The following SGCD variants were observed in gnomAD, a reference collection of about 807,000 sequenced individuals.
The protein encoded by SGCD is delta-sarcoglycan.
Under a neutral mutation model 36.6 loss-of-function variants are expected in SGCD, and 18 were observed. The observed-to-expected ratio is 0.49, with a 90% CI of 0.34 to 0.73. The LOEUF (loss-of-function observed/expected upper bound fraction) is 0.73, where lower values mean the gene tolerates loss of function less well. Ranked by LOEUF, SGCD falls within the 30% of genes least tolerant of loss-of-function variation. The pLI is 0.01. For synonymous variants in SGCD, 133 were observed against 130.6 expected, an observed-to-expected ratio of 1.02 and a Z score of -0.12; for missense variants, 387 against 346.7, an observed-to-expected ratio of 1.12 and a Z score of -0.92.
intron 7 of SGCD, among the ~76,000 whole-genome samples, chr5:156,736,298 C>G (rs1441313969): frequency 1.3e-5 from 2 of 152,110 alleles, no homozygotes; most frequent in African/African-American, 2.4e-5. Context: ...TTTTGTTCAT[C>G]CTGAATTAGA....
chr5:156,361,986 T>A lies in SGCD; in HGVS notation c.192+17309T>A, dbSNP rs1283168837. On this transcript the variant is annotated intron_variant, in intron 3 of 8. Coordinates refer to ENST00000337851, the MANE Select transcript of SGCD (RefSeq NM_000337.6). ...GCCTAAAGGAATGATACTGAGACAG[T>A]CATGGGAAGAGCTGGGCAAGATTTT... is the stretch of plus-strand genomic sequence containing the variant. Among the ~76,000 whole-genome samples the A allele has an allele frequency of 2.6e-5, 4 of 152,148 alleles. 1 individual carries two copies. Among genetic ancestry groups the A allele is most frequent in the Middle Eastern group, 3.2e-3 (1 of 316 alleles).
At chr5:156,264,624 G>A (rs1355878355) in intron 3 of SGCD, among the ~76,000 whole-genome samples, 2 of 151,968 alleles carry the variant, frequency 1.3e-5, no homozygotes, top group East Asian at 3.9e-4. Flanking sequence ...TGTAAGAGTT[G>A]CTTCAGATTT....
intron 1 of SGCD, among the ~76,000 whole-genome samples, chr5:156,007,198 C>T (rs1049063759): frequency 6.6e-6 from 1 of 152,156 alleles, no homozygotes; most frequent in African/African-American, 2.4e-5. Flanking sequence ...TGCTTCAGTT[C>T]TGCAGCACCA....
rs537157540 is a variant in SGCD, at chr5:155,902,488, G to A, written c.-282+32064G>A. Reference sequence around the variant, plus strand: ...TTTATAACTGAAGAAGCACAGGTTCGTTACTTTTTTTTATCAGGGTCATAT... The same window carrying A: ...TTTATAACTGAAGAAGCACAGGTTCATTACTTTTTTTTATCAGGGTCATAT... On this transcript the variant is annotated intron_variant, in intron 1 of 9. Transcript: ENST00000517913. Among the ~76,000 whole-genome samples the A allele has an allele frequency of 3.0e-4, 46 of 151,866 alleles. 1 individual carries two copies. Among genetic ancestry groups the A allele is most frequent in the African/African-American group, 8.2e-4 (34 of 41,514 alleles).
upstream of SGCD, among the ~76,000 whole-genome samples, chr5:155,867,089 A>T (rs1755538443): frequency 6.6e-6 from 1 of 152,208 alleles, no homozygotes; most frequent in South Asian, 2.1e-4. Flanking sequence ...AGTTGATGTC[A>T]AAGTGAAGAG....
intron 1 of SGCD, among the ~76,000 whole-genome samples, chr5:156,026,608 G>C (rs7707208): frequency 0.19 from 29,487 of 152,200 alleles, 3,579 homozygotes; most frequent in Admixed American, 0.35. Context: ...GAAGGCTTAA[G>C]TAAAATTTGT....
chr5:156,650,625 T>C (rs2113597031), intron 7 of SGCD, among the ~76,000 whole-genome samples: 1 of 152,288 alleles, frequency 6.6e-6, no homozygotes, highest in East Asian at 1.9e-4. Flanking sequence ...CTTAAGATAA[T>C]GGCCTTCAGT....
rs1479142529 is a variant in SGCD, at chr5:156,341,825, C to T, written c.4-2664C>T. ...TCCCGGGTTCAAGCAATTCTCCCTGCCTCAGCCTCCCAAGTAACTGGGATT... is the reference window on the plus strand; with the variant it reads ...TCCCGGGTTCAAGCAATTCTCCCTGTCTCAGCCTCCCAAGTAACTGGGATT... On this transcript the variant is annotated intron_variant, in intron 2 of 8. Transcript: ENST00000337851. 3.9e-5 allele frequency among the ~76,000 whole-genome samples: 6 copies of T among 152,340 alleles called. No homozygotes were observed. The East Asian group carries it at 9.6e-4, about 24-fold the overall frequency.
chr5:155,796,806 CAAAAAAAAAAAAA>C, the SGCD span, among the ~76,000 whole-genome samples: 324 of 51,332 alleles, frequency 6.3e-3, 5 homozygotes, highest in African/African-American at 0.018. Context: ...AACTCCATCT[CAAAAAAAAAAAAA>C]AAAAAAAAAA....
upstream of SGCD, among the ~76,000 whole-genome samples, chr5:156,326,346 AT>A (rs1465110220): frequency 6.6e-6 from 1 of 152,224 alleles, no homozygotes; most frequent in Non-Finnish European, 1.5e-5. Flanking sequence ...TTCAAAGTAC[AT>A]TCTTTTCTCT....
chr5:156,422,925 C>A (rs530116370), intron 3 of SGCD, among the ~76,000 whole-genome samples: 1 of 151,450 alleles, frequency 6.6e-6, no homozygotes, highest in African/African-American at 2.4e-5. Flanking sequence ...GGAAATTTAT[C>A]CTTTATTAAA....
intron 1 of SGCD, among the ~76,000 whole-genome samples, chr5:155,885,731 A>G (rs1031275209): frequency 6.6e-6 from 1 of 152,230 alleles, no homozygotes; most frequent in Non-Finnish European, 1.5e-5. Flanking sequence ...AGCTTTTCAA[A>G]ATCAATGTTC....
intron 4 of SGCD, among the ~76,000 whole-genome samples, chr5:156,511,918 G>T (rs144597365): frequency 6.6e-6 from 1 of 152,134 alleles, no homozygotes; most frequent in Admixed American, 6.5e-5. Flanking sequence ...TGTTTTGGCT[G>T]GGTGTGGTGG....
intron 1 of SGCD, among the ~76,000 whole-genome samples, chr5:156,114,268 A>G (rs190448034): frequency 4.5e-4 from 68 of 152,208 alleles, no homozygotes; most frequent in African/African-American, 1.5e-3. Context: ...ATATATATGC[A>G]AGCTTTCTGA....
intron 6 of SGCD, among the ~76,000 whole-genome samples, chr5:156,639,156 G>A (rs1196536971): frequency 1.3e-5 from 2 of 151,806 alleles, no homozygotes; most frequent in East Asian, 1.9e-4. Flanking sequence ...GTGTATATGT[G>A]TATGTGTATA....
chr5:155,872,428 G>A (rs556753987), intron 1 of SGCD, among the ~76,000 whole-genome samples: 17 of 151,644 alleles, frequency 1.1e-4, no homozygotes, highest in South Asian at 2.1e-4. Context: ...TTTTGAAATC[G>A]TGCCCCGACA....
chr5:156,390,465 C>A (rs1213906537), intron 3 of SGCD, among the ~76,000 whole-genome samples: 1 of 152,230 alleles, frequency 6.6e-6, no homozygotes, highest in Non-Finnish European at 1.5e-5. Context: ...CAATGGCTCA[C>A]GCCTGTATTC....
intron 1 of SGCD, among the ~76,000 whole-genome samples, chr5:155,898,839 A>G: frequency 6.6e-6 from 1 of 152,124 alleles, no homozygotes; most frequent in East Asian, 1.9e-4. Context: ...CTCTCCATTT[A>G]TTAGAGAGGA....
chr5:156,590,937 G>T (rs1760701149), intron 5 of SGCD, among the ~76,000 whole-genome samples: 1 of 149,904 alleles, frequency 6.7e-6, no homozygotes, highest in Non-Finnish European at 1.5e-5. Context: ...CCCTCCTCCT[G>T]TGTCACTATT....
Sources: gnomAD v4.1 joint callset for allele counts (sites outside exome capture counted in the v4.1 genomes callset) on GRCh38, gnomAD v4.1.1 for gene constraint, MANE v1.5 for transcripts, NCBI Gene and HGNC (gene_info 2026-07-23, HGNC 2026-07-21) for gene names.